CFAP77: variants seen among roughly 807,000 people sequenced by gnomAD.
CFAP77 encodes cilia and flagella associated protein 77.
A neutral mutation model predicts 31.1 loss-of-function variants in CFAP77; 25 were observed. That is an observed-to-expected ratio of 0.80 (90% CI 0.59 to 1.12). CFAP77 has a LOEUF of 1.12. CFAP77 is among the 50% of genes most tolerant of loss of function. The pLI is 0.00. For synonymous variants in CFAP77, 151 were observed against 159.9 expected (o/e 0.94, Z 0.42); for missense variants, 377 against 397.3 (o/e 0.95, Z 0.44).
At chr9:132,470,118 C>T (rs1427048908) in intron 1 of CFAP77, among the ~76,000 whole-genome samples, 4 of 152,136 alleles carry the variant, frequency 2.6e-5, no homozygotes, top group South Asian at 2.1e-4. Context: ...GGATTACAGG[C>T]GTGAGCCACC....
intron 3 of CFAP77, among the ~76,000 whole-genome samples, chr9:132,510,270 C>G (rs973232125): frequency 5.3e-5 from 8 of 152,236 alleles, no homozygotes; most frequent in Admixed American, 2.0e-4. Context: ...TTTGATTTTT[C>G]CAGAGCTGGG....
chr9:132,482,211 A>G, intron 1 of CFAP77: 3 of 597,386 alleles, frequency 5.0e-6, no homozygotes, highest in South Asian at 2.5e-5. Context: ...TTTCATAGGG[A>G]GCCTTTTTCT....
chr9:132,437,562 A>T (rs889259563), intron 1 of CFAP77, among the ~76,000 whole-genome samples: 7 of 129,354 alleles, frequency 5.4e-5, no homozygotes, highest in Admixed American at 3.8e-4. Flanking sequence ...CAGGCTGGAG[A>T]GCAGTGACGC....
In CFAP77 at chr9:132,572,645, T is replaced by A; in HGVS notation, c.*135T>A. On this transcript the variant is annotated 3_prime_UTR_variant, in exon 6 of 6. Transcript: ENST00000393216. ...CTTCAAGGAGCTCAGATTCAAGTCT[T>A]AGGCTAATTGTTTTTGGTAAAAGTC... 1.1e-6 allele frequency: 1 copy of A among 917,140 alleles called. No individual in the cohort carries two copies. The highest frequency in any genetic ancestry group is 1.6e-6 in the Non-Finnish European group (1 of 627,114). The allele number at this position is 917,140 out of a possible 1,614,324, so 56.8% of individuals were successfully genotyped here.
chr9:132,490,152 T>G lies in CFAP77; in HGVS notation c.196-8543T>G, dbSNP rs1263969087. ...ACAGAAGGGGATAAAAAGGGCGAAC[T>G]CCCTCCATCAAGGCCTTTTATAAGG... On this transcript the variant is annotated intron_variant, in intron 1 of 5. Transcript: ENST00000393216. The surrounding 1 kb of genome is among the most constrained non-coding windows in gnomAD (Gnocchi z 4.6). 1.3e-5 allele frequency among the ~76,000 whole-genome samples: 2 copies of G among 152,120 alleles called. No homozygotes were observed. Among genetic ancestry groups the G allele is most frequent in the East Asian group, 3.9e-4 (2 of 5,172 alleles).
At position 132,513,207 on chromosome 9, in the gene CFAP77, CTA is replaced by C. The variant is rs2118998681; in HGVS notation, c.524+13608_524+13609del. 2.0e-6 allele frequency: 3 copies of C among 1,499,876 alleles called. No homozygotes were observed. The East Asian group carries it at 7.4e-5, about 37-fold the overall frequency. The allele number at this position is 1,499,876 out of a possible 1,614,324, so 92.9% of individuals were successfully genotyped here. On this transcript the variant is annotated intron_variant, in intron 3 of 5. Transcript: ENST00000393216. ...ATGTGCAATTAAGTTATTATTGACT[CTA>C]GTCAAGGGAGCAAAACATTTTAACC...
At position 132,502,250 on chromosome 9, in the gene CFAP77, CAT is replaced by C. The variant is rs201612657; in HGVS notation, c.524+2665_524+2666del. ...AGGTGCCTTCCTTTGACTGTGCCAT[CAT>C]ATATATATATATATTTTTTTTTTTT... On this transcript the variant is annotated intron_variant, in intron 3 of 5. Coordinates refer to ENST00000393216, the MANE Select transcript of CFAP77 (RefSeq NM_001282957.2). 7.2e-3 allele frequency among the ~76,000 whole-genome samples: 740 copies of C among 102,166 alleles called. 9 individuals are homozygous for C. Among genetic ancestry groups the C allele is most frequent in the African/African-American group, 0.013 (287 of 22,806 alleles). 67.0% of individuals were successfully genotyped at this position (102,166 alleles called of 152,430 possible).
intron 3 of CFAP77, among the ~76,000 whole-genome samples, chr9:132,530,680 A>G (rs1441004587): frequency 2.0e-5 from 3 of 152,148 alleles, no homozygotes; most frequent in Non-Finnish European, 2.9e-5. Flanking sequence ...CCTTTGCCAG[A>G]TACATGGTTT....
At chr9:132,504,450 G>A (rs909395500) in intron 3 of CFAP77, among the ~76,000 whole-genome samples, 3 of 152,204 alleles carry the variant, frequency 2.0e-5, no homozygotes, top group African/African-American at 7.2e-5. Context: ...CTTCTGTGAT[G>A]GTAAATGGGC....
intron 1 of CFAP77, among the ~76,000 whole-genome samples, chr9:132,458,350 G>C (rs962404231): frequency 5.9e-5 from 8 of 136,454 alleles, no homozygotes; most frequent in African/African-American, 8.3e-5. Context: ...GGCGGGGGAG[G>C]GGGGGGGGTG....
In CFAP77 at chr9:132,497,920, C is replaced by G. The variant is rs933098200; in HGVS notation, c.196-775C>G. 2.0e-5 allele frequency among the ~76,000 whole-genome samples: 3 copies of G among 152,146 alleles called. No homozygotes were observed. The highest frequency in any genetic ancestry group is 2.9e-5 in the Non-Finnish European group (2 of 68,018). ...GACCGCGTGGCAGGATGATCAAGAGCGCCAGTCAAGAGGACAGGCACGCCT... is the reference window on the plus strand; with the variant it reads ...GACCGCGTGGCAGGATGATCAAGAGGGCCAGTCAAGAGGACAGGCACGCCT... On this transcript the variant is annotated intron_variant, in intron 1 of 5. Coordinates refer to ENST00000393216, the MANE Select transcript of CFAP77 (RefSeq NM_001282957.2). This position sits in a 1 kb window ranked among gnomAD's most constrained non-coding sequence, Gnocchi z 4.9.
At chr9:132,449,828 C>T (rs1487684473) in intron 1 of CFAP77, among the ~76,000 whole-genome samples, 2 of 152,208 alleles carry the variant, frequency 1.3e-5, no homozygotes, top group African/African-American at 2.4e-5. Flanking sequence ...GCTCCCCGTT[C>T]TCACCAATAG....
At chr9:132,508,555 A>C (rs1851977238) in intron 3 of CFAP77, among the ~76,000 whole-genome samples, 1 of 152,184 alleles carries the variant, frequency 6.6e-6, no homozygotes, top group Non-Finnish European at 1.5e-5. Context: ...AGCTGTCTAT[A>C]ACCATCTGAA....
At position 132,438,520 on chromosome 9, in the gene CFAP77, TA is replaced by T. The variant is rs1850550293; in HGVS notation, c.195+28055del. 3.9e-4 allele frequency among the ~76,000 whole-genome samples: 38 copies of T among 97,870 alleles called. 1 individual carries two copies. The highest frequency in any genetic ancestry group is 1.5e-3 in the African/African-American group (38 of 25,690). The allele number at this position is 97,870 out of a possible 152,430, so 64.2% of individuals were successfully genotyped here. On this transcript the variant is annotated intron_variant, in intron 1 of 5. Coordinates refer to ENST00000393216, the MANE Select transcript of CFAP77 (RefSeq NM_001282957.2). ...CCTTTATTTGGGGGAACAGATATGG[TA>T]TATATATATATATATATATATTTTT... is the stretch of plus-strand genomic sequence containing the variant.
At chr9:132,482,959 T>TA (rs1270391519) in intron 1 of CFAP77, among the ~76,000 whole-genome samples, 458 of 105,004 alleles carry the variant, frequency 4.4e-3, no homozygotes, top group African/African-American at 9.6e-3. Flanking sequence ...TAATAATAAT[T>TA]TAAAAAAAAA....
chr9:132,568,946 T>A (rs1468708260), intron 5 of CFAP77, among the ~76,000 whole-genome samples: 1 of 152,190 alleles, frequency 6.6e-6, no homozygotes, highest in Non-Finnish European at 1.5e-5. Flanking sequence ...GCAATCCACC[T>A]ACCTTGGCCT....
chr9:132,534,751 G>A lies in CFAP77; in HGVS notation c.525-2850G>A, dbSNP rs142000909. On this transcript the variant is annotated intron_variant, in intron 3 of 5. Coordinates refer to ENST00000393216, the MANE Select transcript of CFAP77 (RefSeq NM_001282957.2). ...TTTGTGGCCCAGCAACCTCCAAACT[G>A]CACAAGGAGGTTTTCCTTTTTTCCC... Among the ~76,000 whole-genome samples, 3 of 152,170 alleles carry A rather than the reference G, an allele frequency of 2.0e-5. No individual in the cohort carries two copies. The East Asian group carries it at 5.8e-4, about 29-fold the overall frequency.
rs567858606 is a variant in CFAP77, at chr9:132,480,095, C to T, written c.196-18600C>T. ...CCTGAAAATCAACCGGCTCAGCCCC[C>T]TCATTTTGCAGATGGGACCACTGAG... is the stretch of plus-strand genomic sequence containing the variant. On this transcript the variant is annotated intron_variant, in intron 1 of 5. Coordinates refer to ENST00000393216, the MANE Select transcript of CFAP77 (RefSeq NM_001282957.2). The surrounding 1 kb of genome is among the most constrained non-coding windows in gnomAD (Gnocchi z 5.8). Among the ~76,000 whole-genome samples the T allele has an allele frequency of 1.0e-3, 152 of 152,308 alleles. 1 individual carries two copies. Among genetic ancestry groups the T allele is most frequent in the Non-Finnish European group, 1.7e-3 (116 of 68,026 alleles).
rs1851440750 is a variant in CFAP77 at position 132,481,189 on chromosome 9, C to T, written c.196-17506C>T. 6.6e-6 allele frequency among the ~76,000 whole-genome samples: 1 copy of T among 152,108 alleles called. No homozygotes were observed. The highest frequency in any genetic ancestry group is 1.5e-5 in the Non-Finnish European group (1 of 68,026). ...CTGTAAGACCCCAAGCTACTGCTGC[C>T]CTTGGGAGCTCTCTGGGCCCAAGAC... On this transcript the variant is annotated intron_variant, in intron 1 of 5. Coordinates refer to ENST00000393216, the MANE Select transcript of CFAP77 (RefSeq NM_001282957.2). The surrounding 1 kb of genome is among the most constrained non-coding windows in gnomAD (Gnocchi z 5.0).
Sources: gnomAD v4.1 joint callset for allele counts (sites outside exome capture counted in the v4.1 genomes callset) on GRCh38, gnomAD v4.1.1 for gene constraint, Gnocchi (gnomAD v3.1) non-coding constraint, MANE v1.5 for transcripts, NCBI Gene and HGNC (gene_info 2026-07-23, HGNC 2026-07-21) for gene names.